CUX2: variants seen among roughly 807,000 people sequenced by gnomAD.
CUX2 encodes the protein cut like homeobox 2.
CUX2 carries 40 observed loss-of-function variants against 144.8 expected under a neutral mutation model. That is an observed-to-expected ratio of 0.28 (90% CI 0.21 to 0.36). The LOEUF is 0.36. CUX2 is among the 10% of genes least tolerant of loss of function. The pLI is 1.00. For synonymous variants in CUX2, 827 were observed against 875.6 expected, an observed-to-expected ratio of 0.94 and a Z score of 0.98; for missense variants, 1,615 against 1,994.0, an observed-to-expected ratio of 0.81 and a Z score of 3.62.
At chr12:111,309,847 T>C (rs1886790845) in intron 14 of CUX2, among the ~76,000 whole-genome samples, 194 bp from the exon 15 acceptor site, 2 of 148,144 alleles carry the variant, frequency 1.4e-5, no homozygotes, top group African/African-American at 5.0e-5. Flanking sequence ...GTCTCTTTCT[T>C]TCTCTCACAT....
intron 1 of CUX2, among the ~76,000 whole-genome samples, chr12:111,046,739 C>T (rs938093882): frequency 2.0e-5 from 3 of 152,232 alleles, no homozygotes; most frequent in African/African-American, 4.8e-5. Context: ...TTACTGCAAC[C>T]TCTGCCTCCC....
At chr12:111,127,807 G>A (rs1185142616) in intron 1 of CUX2, among the ~76,000 whole-genome samples, 1 of 152,220 alleles carries the variant, frequency 6.6e-6, no homozygotes, top group Admixed American at 6.5e-5. Context: ...ATGGCAGAAG[G>A]CGAAGGGGGA....
chr12:111,243,579 C>G (rs1327689966), intron 3 of CUX2, among the ~76,000 whole-genome samples: 1 of 142,076 alleles, frequency 7.0e-6, no homozygotes, highest in African/African-American at 2.7e-5. Flanking sequence ...TCATAGCTCA[C>G]TGCAGCCTCA....
intron 1 of CUX2, among the ~76,000 whole-genome samples, chr12:111,169,311 C>T (rs1333668772): frequency 6.6e-6 from 1 of 151,966 alleles, no homozygotes; most frequent in Non-Finnish European, 1.5e-5. Context: ...GCAGAGTGAG[C>T]GCAGCCCTGC....
At chr12:111,100,315 T>A (rs1654255197) in intron 1 of CUX2, among the ~76,000 whole-genome samples, 6 of 152,114 alleles carry the variant, frequency 3.9e-5, no homozygotes, top group Admixed American at 3.9e-4. Context: ...CGTGTGTCTT[T>A]CTCTGCGTGT....
chr12:111,117,115 T>C (rs1041501774), intron 1 of CUX2, among the ~76,000 whole-genome samples: 2 of 152,226 alleles, frequency 1.3e-5, no homozygotes, highest in African/African-American at 2.4e-5. Context: ...TGAATGTTTG[T>C]GGTTTTGGAG....
In CUX2 at chr12:111,348,529, T is replaced by A. The variant is rs1888925275; in HGVS notation, c.*204T>A. The A allele has an allele frequency of 1.7e-6, 1 of 590,662 alleles. No individual in the cohort carries two copies. Among genetic ancestry groups the A allele is most frequent in the African/African-American group, 1.9e-5 (1 of 53,706 alleles). The allele number at this position is 590,662 out of a possible 1,614,324, so 36.6% of individuals were successfully genotyped here. A position where few individuals can be genotyped will look rare whatever the true frequency, so the allele number is the denominator to read the frequency against. On this transcript the variant is annotated 3_prime_UTR_variant, in exon 22 of 22. Coordinates refer to ENST00000261726, the MANE Select transcript of CUX2 (RefSeq NM_015267.4). ...GGTCAAATGCCATTGCCTCCACTTT[T>A]CTGCACCCCCCTGCTCCTCTTCACC...
intron 16 of CUX2, among the ~76,000 whole-genome samples, chr12:111,315,397 C>T (rs1240022445): frequency 6.6e-6 from 1 of 152,140 alleles, no homozygotes; most frequent in African/African-American, 2.4e-5. Context: ...GCATGTGCAG[C>T]CCTTAAAGGT....
chr12:111,225,118 C>T (rs1882066578), intron 3 of CUX2, among the ~76,000 whole-genome samples: 1 of 152,116 alleles, frequency 6.6e-6, no homozygotes, highest in African/African-American at 2.4e-5. Context: ...GTGGCCTGGG[C>T]TGGTCCTCTG....
rs931435840 is a variant in CUX2 at position 111,293,391 on chromosome 12, G to A, written c.437-55G>A. The A allele has an allele frequency of 2.6e-6, 4 of 1,559,524 alleles. No individual in the cohort carries two copies. The highest frequency in any genetic ancestry group is 1.7e-4 in the Middle Eastern group (1 of 5,788). ...GATCCGGTTTACAGAAAGCGGCTCT[G>A]GCTGCCACGTTGCTCTCTTGGCAAT... On this transcript the variant is annotated intron_variant, in intron 5 of 21. Coordinates refer to ENST00000261726, the MANE Select transcript of CUX2 (RefSeq NM_015267.4). This position sits in a 1 kb window ranked among gnomAD's most constrained non-coding sequence, Gnocchi z 4.5.
In CUX2 at chr12:111,306,954, C is replaced by T. The variant is rs199740303; in HGVS notation, c.892C>T (p.Arg298Trp). 47 of 1,612,602 alleles carry T rather than the reference C, an allele frequency of 2.9e-5. No individual in the cohort carries two copies. Among genetic ancestry groups the T allele is most frequent in the Non-Finnish European group, 3.4e-5 (40 of 1,179,278 alleles). Residue 298 changes from arginine (R) to tryptophan (W), a missense_variant, in exon 11 of 22, where the codon CGG (arginine) becomes TGG (tryptophan). By Grantham distance (101) the Arg-to-Trp change is moderately radical (BLOSUM62 -3). This residue lies in a region of CUX2 where 295 missense variants were observed against 400.2 expected (regional missense o/e 0.74). Coordinates refer to ENST00000261726, the MANE Select transcript of CUX2 (RefSeq NM_015267.4). ...GAACTTCACTCTGTGCTCGGGCCCT[C>T]GGCTGGAGGCCGCGCTGGCCTCCAA... ...KVNFTLCSGP[R>W]LEAALASKDR...
chr12:111,315,586 G>T (rs1887147129), intron 16 of CUX2, among the ~76,000 whole-genome samples: 1 of 152,162 alleles, frequency 6.6e-6, no homozygotes, highest in Non-Finnish European at 1.5e-5. Context: ...AGGCATGGTA[G>T]TAGGAACCTG....
At chr12:111,152,130 A>G (rs368462348) in intron 1 of CUX2, among the ~76,000 whole-genome samples, 89 of 152,132 alleles carry the variant, frequency 5.9e-4, no homozygotes, top group African/African-American at 2.0e-3. Flanking sequence ...ACAAAAATAC[A>G]AAAATTAGCT....
chr12:111,305,376 G>A (rs758475579), intron 10 of CUX2, among the ~76,000 whole-genome samples: 1 of 152,104 alleles, frequency 6.6e-6, no homozygotes, highest in Non-Finnish European at 1.5e-5. Context: ...AGGTGTCTAT[G>A]TCTCTCTTTC....
intron 1 of CUX2, among the ~76,000 whole-genome samples, chr12:111,048,360 C>T (rs1007281050): frequency 9.2e-5 from 14 of 152,160 alleles, no homozygotes; most frequent in Admixed American, 2.0e-4. Flanking sequence ...CCTTTGGGCA[C>T]GCAAACGTTT....
intron 1 of CUX2, among the ~76,000 whole-genome samples, chr12:111,185,701 G>A (rs1292539317): frequency 1.3e-5 from 2 of 152,190 alleles, no homozygotes; most frequent in Non-Finnish European, 2.9e-5. Flanking sequence ...CCATTAGCCT[G>A]GGTAGGCTCA....
intron 3 of CUX2, among the ~76,000 whole-genome samples, chr12:111,248,264 C>G (rs997184060): frequency 1.3e-5 from 2 of 152,224 alleles, no homozygotes; most frequent in African/African-American, 4.8e-5. Flanking sequence ...TCCCTGCTCT[C>G]TAGGTGGGGA....
chr12:111,052,158 A>G (rs1019286644), intron 1 of CUX2, among the ~76,000 whole-genome samples: 1 of 151,960 alleles, frequency 6.6e-6, no homozygotes, highest in South Asian at 2.1e-4. Flanking sequence ...CACTCTTCCC[A>G]TACTTCTTCC....
In CUX2 at chr12:111,310,150, TC is replaced by T; in HGVS notation, c.1371del (p.Ser458AlafsTer33). 6.5e-7 allele frequency: 1 copy of T among 1,543,580 alleles called. No individual in the cohort carries two copies. Among genetic ancestry groups the T allele is most frequent in the Non-Finnish European group, 8.7e-7 (1 of 1,146,482 alleles). ...PPPGPEDPLS[P>X]SPGQPLLGPS... is the part of the protein sequence containing the mutation. ...CACCAGGGCCAGAAGACCCCCTGTC[TC>T]CCAGCCCCGGGCAGCCCCTGCTGGG... is the stretch of plus-strand genomic sequence containing the variant. On this transcript the variant is annotated frameshift_variant, in exon 15 of 22. Transcript: ENST00000261726. LOFTEE classifies it high-confidence loss of function. The surrounding 1 kb of genome is among the most constrained non-coding windows in gnomAD (Gnocchi z 7.9).
Sources: gnomAD v4.1 joint callset for allele counts (sites outside exome capture counted in the v4.1 genomes callset) on GRCh38, gnomAD v4.1.1 for gene constraint, gnomAD v4.1.1 regional missense constraint, Gnocchi (gnomAD v3.1) non-coding constraint, MANE v1.5 for transcripts, NCBI Gene and HGNC (gene_info 2026-07-23, HGNC 2026-07-21) for gene names.